Variants in LGR6 observed in about 807,000 individuals in gnomAD.
The protein encoded by LGR6 is leucine rich repeat containing G protein-coupled receptor 6.
In LGR6, 45 loss-of-function variants were observed where a neutral mutation model predicts 69.4. The ratio of observed to expected loss-of-function variants is 0.65; its 90% CI spans 0.51 to 0.83. The LOEUF (loss-of-function observed/expected upper bound fraction) is 0.83. Ranked by LOEUF, LGR6 falls within the 40% of genes least tolerant of loss-of-function variation. LGR6 has a pLI of 0.00. For synonymous variants in LGR6, 538 were observed against 555.0 expected, an observed-to-expected ratio of 0.97 and a Z score of 0.43; for missense variants, 1,108 against 1,246.7, an observed-to-expected ratio of 0.89 and a Z score of 1.68.
intron 1 of LGR6, among the ~76,000 whole-genome samples, chr1:202,205,389 C>CTAACACACGCACCTAACACACTCT (rs1659144292): frequency 1.6e-4 from 2 of 12,660 alleles, no homozygotes; most frequent in Non-Finnish European, 3.9e-4. Context: ...CCTCACACAC[C>CTAACACACGCACCTAACACACTCT]TCCTTCAAAC....
intron 4 of LGR6, among the ~76,000 whole-genome samples, chr1:202,265,626 G>A (rs1664586401): frequency 6.6e-6 from 1 of 152,202 alleles, no homozygotes; most frequent in Admixed American, 6.5e-5. Flanking sequence ...CAAAACCAAT[G>A]CCTTCTCTGG....
chr1:202,312,905 T>C (rs1459288020), intron 16 of LGR6, among the ~76,000 whole-genome samples: 1 of 151,992 alleles, frequency 6.6e-6, no homozygotes, highest in Non-Finnish European at 1.5e-5. Flanking sequence ...AGGCCCTAGT[T>C]TGAGAAACAC....
chr1:202,302,255 G>A (rs1180190713), intron 9 of LGR6, among the ~76,000 whole-genome samples: 6 of 152,132 alleles, frequency 3.9e-5, no homozygotes, highest in African/African-American at 1.4e-4. Flanking sequence ...CGTTCATTAC[G>A]GCATTTCATC....
chr1:202,235,018 T>G (rs1163406379), intron 3 of LGR6, among the ~76,000 whole-genome samples: 2 of 152,346 alleles, frequency 1.3e-5, no homozygotes, highest in East Asian at 3.9e-4. Flanking sequence ...TTTCCTCCTA[T>G]GTCTTTACCC....
At chr1:202,290,623 A>G (rs1017639445) in intron 6 of LGR6, among the ~76,000 whole-genome samples, 56 of 152,252 alleles carry the variant, frequency 3.7e-4, no homozygotes, top group Non-Finnish European at 6.6e-4. Context: ...CTGTAATCCC[A>G]GCACTTTGGG....
At chr1:202,210,444 C>A (rs868735037) in intron 1 of LGR6, among the ~76,000 whole-genome samples, 2,763 of 129,128 alleles carry the variant, frequency 0.021, 26 homozygotes, top group Non-Finnish European at 0.033. Flanking sequence ...AAAAAAAAAA[C>A]AAAAACCCTA....
chr1:202,315,278 A>G (rs1654057582), intron 17 of LGR6, among the ~76,000 whole-genome samples: 1 of 152,188 alleles, frequency 6.6e-6, no homozygotes, highest in Non-Finnish European at 1.5e-5. Context: ...TGGGACTCCA[A>G]CAGGTCACCT....
At chr1:202,235,205 C>T (rs958834992) in intron 3 of LGR6, among the ~76,000 whole-genome samples, 2 of 152,180 alleles carry the variant, frequency 1.3e-5, no homozygotes, top group Non-Finnish European at 2.9e-5. Flanking sequence ...TGACCCTCTA[C>T]CCTACACATG....
Position 202,319,220 on chromosome 1 carries a change from A to T in LGR6, c.*13A>T. ...TTCACACGTGTAAATATCCCTCCCC[A>T]TTCTTCTCTTCCCCTCTCTTCCCTT... On this transcript the variant is annotated 3_prime_UTR_variant, in exon 18 of 18. Transcript: ENST00000367278. 6.4e-7 allele frequency: 1 copy of T among 1,561,862 alleles called. No individual in the cohort carries two copies. The highest frequency in any genetic ancestry group is 8.7e-7 in the Non-Finnish European group (1 of 1,154,854).
intron 4 of LGR6, among the ~76,000 whole-genome samples, chr1:202,260,607 C>T (rs1349851458): frequency 2.6e-5 from 4 of 152,204 alleles, no homozygotes; most frequent in East Asian, 1.9e-4. Flanking sequence ...AATGAGCCAC[C>T]GTGCTCTGCC....
At position 202,193,993 on chromosome 1, in the gene LGR6, C is replaced by A; in HGVS notation, c.4C>A (p.Pro2Thr). 7.3e-7 allele frequency: 1 copy of A among 1,371,574 alleles called. No individual in the cohort carries two copies. The highest frequency in any genetic ancestry group is 9.4e-7 in the Non-Finnish European group (1 of 1,064,442). The allele number at this position is 1,371,574 out of a possible 1,614,324, so 85.0% of individuals were successfully genotyped here. A position where few individuals can be genotyped will look rare whatever the true frequency, so the allele number is the denominator to read the frequency against. MPSPPGLRALWL... is the reference protein window; with the variant it reads MTSPPGLRALWL... ...CCCCAGTAGCCCGACCGCCGAGATG[C>A]CCAGCCCGCCGGGGCTCCGGGCGCT... The change falls in exon 1 of 18, where the codon CCC becomes ACC. Residue 2 changes from proline (P) to threonine (T), a missense_variant. Pro to Thr is a conservative substitution (Grantham distance 38, BLOSUM62 -1). Transcript: ENST00000367278.
chr1:202,249,758 T>A (rs1478361320), intron 4 of LGR6, among the ~76,000 whole-genome samples: 1 of 152,170 alleles, frequency 6.6e-6, no homozygotes, highest in African/African-American at 2.4e-5. Context: ...GAGTAGGTCC[T>A]CTTTTCCTTA....
At chr1:202,314,018 C>A (rs1343007894) in intron 16 of LGR6, among the ~76,000 whole-genome samples, 1 of 152,220 alleles carries the variant, frequency 6.6e-6, no homozygotes, top group African/African-American at 2.4e-5. Context: ...TTGCACTCAG[C>A]AGATGTGGAC....
intron 4 of LGR6, among the ~76,000 whole-genome samples, chr1:202,241,643 G>A (rs1338688811): frequency 1.3e-5 from 2 of 151,708 alleles, no homozygotes; most frequent in Non-Finnish European, 2.9e-5. Flanking sequence ...GCAGAGCCTG[G>A]GGGAAAATAG....
rs528364793 is a variant in LGR6, at chr1:202,224,023, G to A, written c.213-1400G>A. Among the ~76,000 whole-genome samples, 4 of 152,032 alleles carry A rather than the reference G, an allele frequency of 2.6e-5. No individual in the cohort carries two copies. In the South Asian group the frequency reaches 8.3e-4, roughly 32 times the overall value. On this transcript the variant is annotated intron_variant, in intron 1 of 17. Coordinates refer to ENST00000367278, the MANE Select transcript of LGR6 (RefSeq NM_001017403.2). The stretch of plus-strand genomic sequence containing the variant: ...ACAAGCACCCTACCAGCTTGGTGCT[G>A]CCCTATTTTTATAGATGAGGTCAAC...
chr1:202,282,229 G>T (rs1571958262), intron 6 of LGR6, among the ~76,000 whole-genome samples: 1 of 152,308 alleles, frequency 6.6e-6, no homozygotes, highest in East Asian at 1.9e-4. Flanking sequence ...TCCCTCTCTA[G>T]CTGTCATAGA....
At chr1:202,225,394 A>C in intron 1 of LGR6, 29 bp from the exon 2 acceptor site, 1 of 1,607,712 alleles carries the variant, frequency 6.2e-7, no homozygotes, top group African/African-American at 1.3e-5. Context: ...GGGAGTTCAC[A>C]GCTCCTTTTT....
At chr1:202,269,770 G>A (rs1371318532) in intron 4 of LGR6, among the ~76,000 whole-genome samples, 2 of 152,158 alleles carry the variant, frequency 1.3e-5, no homozygotes, top group Non-Finnish European at 2.9e-5. Context: ...GACCTGAATG[G>A]AACAGAAGAG....
intron 3 of LGR6, among the ~76,000 whole-genome samples, chr1:202,233,359 G>A (rs1423312021): frequency 6.6e-6 from 1 of 152,128 alleles, no homozygotes; most frequent in Non-Finnish European, 1.5e-5. Context: ...GGCCCCTGGA[G>A]GGGTGGGGCC....
Sources: allele counts gnomAD v4.1 joint callset (sites outside exome capture counted in the v4.1 genomes callset), GRCh38; gene constraint gnomAD v4.1.1; transcripts MANE v1.5; gene names NCBI Gene and HGNC (gene_info 2026-07-23, HGNC 2026-07-21).